Variants in ZFHX3 observed in about 807,000 individuals in gnomAD.
The protein encoded by ZFHX3 is zinc finger homeobox 3, also known as zinc finger homeobox protein 3.
Under a neutral mutation model 279.1 loss-of-function variants are expected in ZFHX3, and 42 were observed. That is an observed-to-expected ratio of 0.15 (90% CI 0.12 to 0.19). ZFHX3 has a LOEUF of 0.19. Ranked by LOEUF, ZFHX3 falls within the 10% of genes least tolerant of loss-of-function variation. ZFHX3 has a pLI of 1.00. For synonymous variants in ZFHX3, 2,293 were observed against 1,957.8 expected (o/e 1.17, Z -4.52); for missense variants, 4,981 against 4,754.0 (o/e 1.05, Z -1.40).
In ZFHX3 at chr16:72,960,027, T is replaced by A. The variant is rs1289147725; in HGVS notation, c.119A>T (p.Glu40Val). 6.2e-7 allele frequency: 1 copy of A among 1,614,004 alleles called. No homozygotes were observed. The highest frequency in any genetic ancestry group is 8.5e-7 in the Non-Finnish European group (1 of 1,179,910). ...THLPDKPSSM[E>V]QSTGESHGPL... is the part of the protein sequence containing the mutation. ...CCCGTGGCTCTCGCCTGTGGACTGC[T>A]CCATGCTACTGGGTTTGTCAGGGAG... Residue 40 changes from glutamate (E) to valine (V), a missense_variant, in exon 2 of 10, where the codon GAG (glutamate) becomes GTG (valine). Physicochemically the swap from Glu to Val is moderately radical, Grantham distance 121. This residue lies in a region of ZFHX3 where 1,068 missense variants were observed against 935.2 expected (regional missense o/e 1.14). Transcript: ENST00000268489.
At chr16:72,901,113 C>A (rs1165677926) in intron 3 of ZFHX3, among the ~76,000 whole-genome samples, 1 of 152,192 alleles carries the variant, frequency 6.6e-6, no homozygotes, top group African/African-American at 2.4e-5. Context: ...TTCCTCTCCC[C>A]TTTCACACCT....
intron 3 of ZFHX3, among the ~76,000 whole-genome samples, chr16:73,443,258 T>C (rs953749535): frequency 2.6e-5 from 4 of 152,176 alleles, no homozygotes; most frequent in African/African-American, 9.7e-5. Flanking sequence ...ATGACATACT[T>C]GTAAAGATTT....
intron 1 of ZFHX3, among the ~76,000 whole-genome samples, chr16:73,871,878 T>C (rs2029862813): frequency 6.6e-6 from 1 of 152,186 alleles, no homozygotes; most frequent in Admixed American, 6.5e-5. Context: ...TAGATGCTTA[T>C]GGAAATGAAA....
At chr16:73,698,165 C>T (rs2053214929) in intron 1 of ZFHX3, among the ~76,000 whole-genome samples, 1 of 151,626 alleles carries the variant, frequency 6.6e-6, no homozygotes, top group African/African-American at 2.4e-5. Flanking sequence ...TTCCCAATGG[C>T]CGAAACTGGA....
At chr16:73,629,538 T>C (rs574083584) in intron 2 of ZFHX3, among the ~76,000 whole-genome samples, 14 of 151,896 alleles carry the variant, frequency 9.2e-5, no homozygotes, top group African/African-American at 3.4e-4. Flanking sequence ...CAAAGAAAGA[T>C]GCACCTGCCA....
chr16:73,774,575 A>AT (rs2054055999), intron 1 of ZFHX3, among the ~76,000 whole-genome samples: 1 of 152,154 alleles, frequency 6.6e-6, no homozygotes, highest in Non-Finnish European at 1.5e-5. Flanking sequence ...TAAGTAACAA[A>AT]TATGCTTGTC....
At chr16:73,507,012 G>C (rs555815775) in intron 2 of ZFHX3, among the ~76,000 whole-genome samples, 6 of 152,292 alleles carry the variant, frequency 3.9e-5, no homozygotes, top group Admixed American at 2.0e-4. Flanking sequence ...CGCATAAGTG[G>C]AATGCGTCTT....
chr16:73,058,327 C>G (rs919032275), intron 1 of ZFHX3, among the ~76,000 whole-genome samples: 3 of 146,550 alleles, frequency 2.0e-5, no homozygotes, highest in African/African-American at 5.0e-5. Flanking sequence ...GAGCGGGACG[C>G]AGCGAGCGAG....
chr16:73,068,329 G>A (rs1965780302), intron 8 of ZFHX3, among the ~76,000 whole-genome samples: 1 of 152,182 alleles, frequency 6.6e-6, no homozygotes, highest in Admixed American at 6.5e-5. Context: ...GATGTGTAGG[G>A]CAGATGGGCT....
intron 1 of ZFHX3, among the ~76,000 whole-genome samples, chr16:73,699,307 A>C (rs1020774028): frequency 6.6e-6 from 1 of 152,218 alleles, no homozygotes; most frequent in Non-Finnish European, 1.5e-5. Flanking sequence ...GTCTGAAATT[A>C]TTTGAAAATA....
chr16:73,593,723 C>A (rs557212435), intron 2 of ZFHX3, among the ~76,000 whole-genome samples: 1 of 152,034 alleles, frequency 6.6e-6, no homozygotes, highest in Non-Finnish European at 1.5e-5. Flanking sequence ...GATTCTGGAA[C>A]CAATCTTTTA....
intron 4 of ZFHX3, among the ~76,000 whole-genome samples, chr16:73,313,435 C>A (rs187092051): frequency 1.5e-3 from 229 of 152,222 alleles, no homozygotes; most frequent in African/African-American, 5.0e-3. Flanking sequence ...TACTACGTGT[C>A]AAAAAACACA....
chr16:73,261,188 T>A (rs2013814331), intron 4 of ZFHX3, among the ~76,000 whole-genome samples: 2 of 152,202 alleles, frequency 1.3e-5, no homozygotes, highest in South Asian at 4.1e-4. Flanking sequence ...ATATTATGTA[T>A]CCATAAAAGA....
At chr16:73,785,489 C>G (rs752414207) in intron 1 of ZFHX3, among the ~76,000 whole-genome samples, 38 of 152,176 alleles carry the variant, frequency 2.5e-4, no homozygotes, top group Non-Finnish European at 4.4e-4. Flanking sequence ...AGGCTTCTGC[C>G]CTGCAGTCAC....
At chr16:72,942,667 A>G (rs1002893074) in intron 3 of ZFHX3, among the ~76,000 whole-genome samples, 1 of 152,228 alleles carries the variant, frequency 6.6e-6, no homozygotes, top group Non-Finnish European at 1.5e-5. Context: ...CGACAGAGTC[A>G]TGAAATTTAT....
At chr16:73,032,477 T>C (rs900504765) in intron 1 of ZFHX3, among the ~76,000 whole-genome samples, 14 of 151,948 alleles carry the variant, frequency 9.2e-5, no homozygotes, top group Admixed American at 2.0e-4. Flanking sequence ...TGCTAAAGGA[T>C]TTCTCAACGC....
At chr16:73,268,298 C>A (rs983698419) in intron 4 of ZFHX3, among the ~76,000 whole-genome samples, 1 of 152,100 alleles carries the variant, frequency 6.6e-6, no homozygotes, top group Non-Finnish European at 1.5e-5. Flanking sequence ...GGGGGAGATG[C>A]TTTAGAATGT....
At chr16:73,848,686 C>T (rs1303029784) in intron 1 of ZFHX3, among the ~76,000 whole-genome samples, 1 of 152,184 alleles carries the variant, frequency 6.6e-6, no homozygotes, top group Non-Finnish European at 1.5e-5. Flanking sequence ...AAATCACCTC[C>T]TCAATGCATT....
intron 1 of ZFHX3, among the ~76,000 whole-genome samples, chr16:73,039,282 A>G (rs140045564): frequency 1.3e-5 from 2 of 152,208 alleles, no homozygotes; most frequent in Non-Finnish European, 2.9e-5. Flanking sequence ...TTAAATGCCA[A>G]AAAGACCAGT....
Sources: gnomAD v4.1 joint callset for allele counts (sites outside exome capture counted in the v4.1 genomes callset) on GRCh38, gnomAD v4.1.1 for gene constraint, gnomAD v4.1.1 regional missense constraint, MANE v1.5 for transcripts, NCBI Gene and HGNC (gene_info 2026-07-23, HGNC 2026-07-21) for gene names.